Variants in ASH1L observed in about 807,000 individuals in gnomAD.
The protein encoded by ASH1L is ASH1 like histone lysine methyltransferase.
ASH1L carries 23 observed loss-of-function variants against 269.0 expected under a neutral mutation model. That is an observed-to-expected ratio of 0.09 (90% CI 0.06 to 0.12). The LOEUF (loss-of-function observed/expected upper bound fraction) is 0.12, where lower values mean the gene tolerates loss of function less well. Ranked by LOEUF, ASH1L falls within the 10% of genes least tolerant of loss-of-function variation. The pLI, the probability that ASH1L is intolerant of heterozygous loss-of-function variation, is 1.00. For synonymous variants in ASH1L, 1,187 were observed against 1,253.5 expected (o/e 0.95, Z 1.12); for missense variants, 2,912 against 3,567.8 (o/e 0.82, Z 4.68).
At chr1:155,538,758 T>C (rs1670230523) in intron 1 of ASH1L, among the ~76,000 whole-genome samples, 1 of 149,008 alleles carries the variant, frequency 6.7e-6, no homozygotes, top group Non-Finnish European at 1.5e-5. Context: ...TCCTCCCACC[T>C]CAGCTTCCCA....
At chr1:155,390,741 G>T (rs1427592387) in intron 7 of ASH1L, among the ~76,000 whole-genome samples, 2 of 150,878 alleles carry the variant, frequency 1.3e-5, no homozygotes, top group Non-Finnish European at 2.9e-5. Context: ...CACCTCCCGG[G>T]TTCACACCAT....
In ASH1L at chr1:155,561,277, T is replaced by C. The variant is rs572425638; in HGVS notation, c.-100+876A>G. Among the ~76,000 whole-genome samples, 9 of 148,696 alleles carry C rather than the reference T, an allele frequency of 6.1e-5. No individual in the cohort carries two copies. The South Asian group carries it at 2.0e-3, about 33-fold the overall frequency. ...CCCATTCTTTACAACTTTGTAGTAA[T>C]GATTCTGTTAAAGATATTTTGGCCC... On this transcript the variant is annotated intron_variant, in intron 1 of 27. Transcript: ENST00000392403.
chr1:155,386,069 ATT>A (rs200039089), intron 7 of ASH1L, among the ~76,000 whole-genome samples: 9 of 139,648 alleles, frequency 6.4e-5, no homozygotes, highest in Admixed American at 1.4e-4. Flanking sequence ...TCCCTTGCCC[ATT>A]TTTTTTTTTT....
At chr1:155,496,532 T>C (rs189645363) in intron 2 of ASH1L, among the ~76,000 whole-genome samples, 124 of 152,382 alleles carry the variant, frequency 8.1e-4, no homozygotes, top group Non-Finnish European at 1.3e-3. Flanking sequence ...CCGGTTCTAA[T>C]GGAATTGACT....
At chr1:155,526,051 G>A (rs896553960) in intron 1 of ASH1L, among the ~76,000 whole-genome samples, 2 of 151,128 alleles carry the variant, frequency 1.3e-5, no homozygotes, top group South Asian at 2.1e-4. Flanking sequence ...TTTTTCATCC[G>A]CAGTTGGTTG....
In ASH1L at chr1:155,481,579, G is replaced by A. The variant is rs1180928641; in HGVS notation, c.1291C>T (p.Pro431Ser). 1.2e-6 allele frequency: 2 copies of A among 1,614,006 alleles called. No homozygotes were observed. Among genetic ancestry groups the A allele is most frequent in the Middle Eastern group, 1.6e-4 (1 of 6,084 alleles). ...AINLKAEALL[P>S]TQEPLKASCS... is the part of the protein sequence containing the mutation. ...GAAGCCTTAAGCGGTTCCTGAGTGGGGAGCAGTGCTTCGGCTTTAAGGTTT... is the reference window on the plus strand; with the variant it reads ...GAAGCCTTAAGCGGTTCCTGAGTGGAGAGCAGTGCTTCGGCTTTAAGGTTT... Residue 431 changes from proline to serine, a missense_variant, in exon 3 of 28, where the codon CCC (proline) becomes TCC (serine). Coordinates refer to ENST00000392403, the MANE Select transcript of ASH1L (RefSeq NM_018489.3).
At position 155,481,758 on chromosome 1, in the gene ASH1L, T is replaced by C; in HGVS notation, c.1112A>G (p.Asp371Gly). The C allele has an allele frequency of 1.2e-6, 2 of 1,614,218 alleles. No homozygotes were observed. Among genetic ancestry groups the C allele is most frequent in the Non-Finnish European group, 8.5e-7 (1 of 1,180,030 alleles). Residue 371 changes from aspartate to glycine, a missense_variant, in exon 3 of 28, where the codon GAT becomes GGT. By Grantham distance (94) the Asp-to-Gly change is moderately conservative. This residue lies in a region of ASH1L where 277 missense variants were observed against 367.7 expected (regional missense o/e 0.75). Coordinates refer to ENST00000392403, the MANE Select transcript of ASH1L (RefSeq NM_018489.3). ...LGTVVGLVNK[D>G]LGKKLGSTVG... ...AGTAGAACCCAATTTCTTTCCCAAA[T>C]CTTTATTAACCAGTCCAACCACAGT...
chr1:155,354,394 G>A (rs2148359307), intron 16 of ASH1L, 79 bp downstream of exon 16: 1 of 1,365,884 alleles, frequency 7.3e-7, no homozygotes, highest in Non-Finnish European at 1.0e-6. Context: ...AGTGAGCCTA[G>A]ATCATGCCAT....
intron 19 of ASH1L, 46 bp downstream of exon 19, chr1:155,349,281 T>C (rs1479723067): frequency 1.0e-5 from 16 of 1,584,952 alleles, no homozygotes; most frequent in African/African-American, 4.1e-5. Context: ...GACTAATTCT[T>C]TTCAGAACAA....
intron 2 of ASH1L, chr1:155,520,147 T>A (rs1201206794): frequency 6.7e-6 from 1 of 150,224 alleles, no homozygotes; most frequent in Admixed American, 6.6e-5. Flanking sequence ...AAGTCAGGAG[T>A]TCGAGACCAG....
At chr1:155,458,122 T>G (rs778677401) in intron 4 of ASH1L, among the ~76,000 whole-genome samples, 3 of 152,212 alleles carry the variant, frequency 2.0e-5, no homozygotes, top group Non-Finnish European at 4.4e-5. Context: ...TTAAGTCACT[T>G]CTTGTTAGAG....
At chr1:155,466,675 C>T (rs1420763477) in intron 3 of ASH1L, among the ~76,000 whole-genome samples, 1 of 152,166 alleles carries the variant, frequency 6.6e-6, no homozygotes, top group East Asian at 1.9e-4. Flanking sequence ...GGGTATCCAT[C>T]ACCTTGCGTA....
rs925068369 is a variant in ASH1L, at chr1:155,420,102, A to G, written c.5829-4179T>C. The stretch of plus-strand genomic sequence containing the variant: ...GGAGGATGAGGCGGGCGGACCACCT[A>G]AGGTCAGGAGTTTGAGACCAGCCTG... On this transcript the variant is annotated intron_variant, in intron 5 of 27. Coordinates refer to ENST00000392403, the MANE Select transcript of ASH1L (RefSeq NM_018489.3). Among the ~76,000 whole-genome samples the G allele has an allele frequency of 1.2e-4, 18 of 152,056 alleles. 1 individual carries two copies.
At chr1:155,538,190 A>T (rs1483769770) in intron 1 of ASH1L, among the ~76,000 whole-genome samples, 1 of 150,926 alleles carries the variant, frequency 6.6e-6, no homozygotes, top group Non-Finnish European at 1.5e-5. Flanking sequence ...AGGCCAGGCT[A>T]ATTTTTGTAT....
chr1:155,427,546 C>T (rs1418844039), intron 5 of ASH1L, among the ~76,000 whole-genome samples: 6 of 152,090 alleles, frequency 3.9e-5, no homozygotes, highest in Admixed American at 6.6e-5. Flanking sequence ...TCAGGTGATC[C>T]GCCCACCTCG....
intron 2 of ASH1L, among the ~76,000 whole-genome samples, chr1:155,483,725 A>C (rs1026874518): frequency 4.0e-5 from 6 of 151,510 alleles, no homozygotes; most frequent in Admixed American, 1.3e-4. Context: ...AAAAAAAAAA[A>C]CCCTAAAAAA....
intron 6 of ASH1L, among the ~76,000 whole-genome samples, chr1:155,401,847 G>C (rs1340834028): frequency 4.0e-5 from 6 of 151,720 alleles, no homozygotes; most frequent in African/African-American, 1.5e-4. Context: ...CCAGCACTTT[G>C]GGAGGCCAAG....
chr1:155,453,254 T>C (rs892038227), intron 4 of ASH1L, among the ~76,000 whole-genome samples: 9 of 151,970 alleles, frequency 5.9e-5, no homozygotes, highest in East Asian at 1.9e-4. Flanking sequence ...ACTGTGGAGG[T>C]TGAGTCAGGA....
chr1:155,467,189 C>G (rs574329164), intron 3 of ASH1L, among the ~76,000 whole-genome samples: 2 of 152,268 alleles, frequency 1.3e-5, no homozygotes, highest in African/African-American at 4.8e-5. Flanking sequence ...TGTAGCCAGC[C>G]ATGAGTCACA....
Sources: gnomAD v4.1 joint callset for allele counts (sites outside exome capture counted in the v4.1 genomes callset) on GRCh38, gnomAD v4.1.1 for gene constraint, gnomAD v4.1.1 regional missense constraint, MANE v1.5 for transcripts, NCBI Gene and HGNC (gene_info 2026-07-23, HGNC 2026-07-21) for gene names.